Variants in RAB11FIP4 observed in about 807,000 individuals in gnomAD.
RAB11FIP4 encodes RAB11 family interacting protein 4.
In RAB11FIP4, 23 loss-of-function variants were observed where a neutral mutation model predicts 74.3. The ratio of observed to expected loss-of-function variants is 0.31; its 90% CI spans 0.22 to 0.44. The LOEUF (loss-of-function observed/expected upper bound fraction) is 0.44. Among genes scored for constraint, RAB11FIP4 ranks in the 20% least tolerant of loss-of-function variants. RAB11FIP4 has a pLI of 1.00. For synonymous variants in RAB11FIP4, 360 were observed against 359.9 expected (o/e 1.00, Z 0.00); for missense variants, 630 against 863.9 (o/e 0.73, Z 3.39).
intron 1 of RAB11FIP4, among the ~76,000 whole-genome samples, chr17:31,403,439 C>T (rs1276575476): frequency 1.3e-5 from 2 of 152,044 alleles, no homozygotes; most frequent in Admixed American, 1.3e-4. Flanking sequence ...TCTCCTGCCT[C>T]AGCCTCCCAA....
At chr17:31,458,104 C>T (rs28454860) in intron 3 of RAB11FIP4, among the ~76,000 whole-genome samples, 4,515 of 152,310 alleles carry the variant, frequency 0.03, 240 homozygotes, top group African/African-American at 0.1. Flanking sequence ...GAGGCTCAGA[C>T]AGCAGTTAAG....
rs2072979951 is a variant in RAB11FIP4 at position 31,537,207 on chromosome 17, A to G, written c.*5475A>G. 2.5e-6 allele frequency: 1 copy of G among 399,114 alleles called. No homozygotes were observed. The highest frequency in any genetic ancestry group is 4.4e-6 in the Non-Finnish European group (1 of 226,166). 24.7% of individuals were successfully genotyped at this position (399,114 alleles called of 1,614,324 possible). On this transcript the variant is annotated 3_prime_UTR_variant, in exon 15 of 15. Coordinates refer to ENST00000621161, the MANE Select transcript of RAB11FIP4 (RefSeq NM_032932.6). ...ACTGCCTCCTTTTCTACATCGTCTC[A>G]TCTCCCTGGCCTTTCCCGAGCCCTG...
intron 3 of RAB11FIP4, among the ~76,000 whole-genome samples, chr17:31,500,884 G>GT (rs2072207530): frequency 1.3e-5 from 2 of 152,140 alleles, no homozygotes; most frequent in South Asian, 4.1e-4. Context: ...TTAGCTGGGT[G>GT]TGATGGCACG....
At chr17:31,446,502 A>G (rs912886332) in intron 3 of RAB11FIP4, among the ~76,000 whole-genome samples, 1 of 152,070 alleles carries the variant, frequency 6.6e-6, no homozygotes, top group Non-Finnish European at 1.5e-5. Flanking sequence ...TGCGATGAAC[A>G]CTGTACACTG....
intron 3 of RAB11FIP4, among the ~76,000 whole-genome samples, chr17:31,489,321 G>A (rs1366544542): frequency 6.6e-6 from 1 of 152,212 alleles, no homozygotes; most frequent in Non-Finnish European, 1.5e-5. Flanking sequence ...CCAGCTGAAA[G>A]GTGGTTACAG....
chr17:31,502,887 A>G (rs1043545878), intron 3 of RAB11FIP4, among the ~76,000 whole-genome samples: 6 of 152,186 alleles, frequency 3.9e-5, no homozygotes, highest in African/African-American at 1.4e-4. Context: ...TGGCTTGCAG[A>G]CAGCCATCTT....
At chr17:31,422,524 G>A (rs9894532) in intron 1 of RAB11FIP4, among the ~76,000 whole-genome samples, 2,502 of 152,148 alleles carry the variant, frequency 0.016, 65 homozygotes, top group African/African-American at 0.057. Flanking sequence ...TTGAAGCTCT[G>A]TTTTTAGGGA....
At position 31,456,717 on chromosome 17, in the gene RAB11FIP4, GTTTATT is replaced by G. The variant is rs370561571; in HGVS notation, c.336+22606_336+22611del. 4.4e-4 allele frequency among the ~76,000 whole-genome samples: 67 copies of G among 152,072 alleles called. 1 individual carries two copies. The highest frequency in any genetic ancestry group is 1.6e-3 in the African/African-American group (67 of 41,470). ...ATCATTTACCTCCTTTTTCTCTATG[GTTTATT>G]TTTATTTTTACTACTCTAGCTATGA... On this transcript the variant is annotated intron_variant, in intron 3 of 14. Coordinates refer to ENST00000621161, the MANE Select transcript of RAB11FIP4 (RefSeq NM_032932.6).
chr17:31,423,475 C>T (rs546540746), intron 1 of RAB11FIP4, among the ~76,000 whole-genome samples: 158 of 152,338 alleles, frequency 1.0e-3, no homozygotes, highest in African/African-American at 3.4e-3. Context: ...TTAAGCAATC[C>T]TCTTACCTTA....
chr17:31,532,687 C>T lies in RAB11FIP4; in HGVS notation c.*955C>T, dbSNP rs1597990981. ...GTCTGCCTGGCTCCCTGTCTTCATT[C>T]TCCACGCAGCCTGGTGATGGCAGGC... On this transcript the variant is annotated 3_prime_UTR_variant, in exon 15 of 15. Coordinates refer to ENST00000621161, the MANE Select transcript of RAB11FIP4 (RefSeq NM_032932.6). 1 of 152,222 alleles carries T rather than the reference C, an allele frequency of 6.6e-6. No individual in the cohort carries two copies. The highest frequency in any genetic ancestry group is 2.4e-5 in the African/African-American group (1 of 41,450). The allele number at this position is 152,222 out of a possible 1,614,324, so 9.4% of individuals were successfully genotyped here.
intron 3 of RAB11FIP4, among the ~76,000 whole-genome samples, chr17:31,491,496 C>T (rs1173176615): frequency 6.6e-6 from 1 of 152,144 alleles, no homozygotes; most frequent in Non-Finnish European, 1.5e-5. Context: ...CAGAGTCAGA[C>T]AGGGAAGTCC....
intron 1 of RAB11FIP4, among the ~76,000 whole-genome samples, chr17:31,409,803 A>T (rs1342976586): frequency 6.6e-6 from 1 of 152,220 alleles, no homozygotes; most frequent in Non-Finnish European, 1.5e-5. Flanking sequence ...GTGAGTAAAC[A>T]AATAGAGTGC....
In RAB11FIP4 at chr17:31,512,514, G is replaced by A. The variant is rs535941422; in HGVS notation, c.337-5137G>A. Among the ~76,000 whole-genome samples the A allele has an allele frequency of 3.3e-5, 5 of 152,284 alleles. No individual in the cohort carries two copies. The highest frequency in any genetic ancestry group is 3.9e-4 in the East Asian group (2 of 5,182). On this transcript the variant is annotated intron_variant, in intron 3 of 14. Transcript: ENST00000621161. The surrounding 1 kb of genome is among the most constrained non-coding windows in gnomAD (Gnocchi z 4.1). Reference sequence around the variant, plus strand: ...GCTCTCTCCCTTCACCCCGGGGTCCGCTGGCAGGTGGAAGAAAGCCTGGGG... The same window carrying A: ...GCTCTCTCCCTTCACCCCGGGGTCCACTGGCAGGTGGAAGAAAGCCTGGGG...
chr17:31,485,162 G>A (rs193219875), intron 3 of RAB11FIP4, among the ~76,000 whole-genome samples: 2 of 152,314 alleles, frequency 1.3e-5, no homozygotes, highest in East Asian at 3.9e-4. Flanking sequence ...ATTTTCTAGA[G>A]GTAGAGACTG....
chr17:31,466,308 C>T (rs1385025356), intron 3 of RAB11FIP4, among the ~76,000 whole-genome samples: 5 of 152,144 alleles, frequency 3.3e-5, no homozygotes, highest in Non-Finnish European at 7.4e-5. Context: ...GGATTGATTC[C>T]TGAATCCGCC....
At chr17:31,488,659 C>T (rs994212703) in intron 3 of RAB11FIP4, among the ~76,000 whole-genome samples, 9 of 152,208 alleles carry the variant, frequency 5.9e-5, no homozygotes, top group Admixed American at 4.6e-4. Context: ...TTTTCTGTAG[C>T]TCTTGGCGGC....
chr17:31,441,228 G>A (rs945049856), intron 3 of RAB11FIP4, among the ~76,000 whole-genome samples: 3 of 152,072 alleles, frequency 2.0e-5, no homozygotes, highest in Non-Finnish European at 2.9e-5. Context: ...GTTCTACTAC[G>A]TTGGCCAGGC....
At chr17:31,398,055 A>G (rs559408870) in intron 1 of RAB11FIP4, among the ~76,000 whole-genome samples, 1 of 148,702 alleles carries the variant, frequency 6.7e-6, no homozygotes, top group East Asian at 2.0e-4. Context: ...TTTGTCAGAC[A>G]CTTTTTTTTT....
chr17:31,491,946 CAG>C (rs1237822760), intron 3 of RAB11FIP4, among the ~76,000 whole-genome samples: 2 of 152,194 alleles, frequency 1.3e-5, no homozygotes, highest in African/African-American at 4.8e-5. Flanking sequence ...CATTTCCTGC[CAG>C]ACTATGCTGT....
Sources: gnomAD v4.1 joint callset for allele counts (sites outside exome capture counted in the v4.1 genomes callset) on GRCh38, gnomAD v4.1.1 for gene constraint, Gnocchi (gnomAD v3.1) non-coding constraint, MANE v1.5 for transcripts, NCBI Gene and HGNC (gene_info 2026-07-23, HGNC 2026-07-21) for gene names.